CAPN9: variants seen among roughly 807,000 people sequenced by gnomAD.
CAPN9 encodes the protein calpain 9.
In CAPN9, 81 loss-of-function variants were observed where a neutral mutation model predicts 92.8. The ratio of observed to expected loss-of-function variants is 0.87; its 90% CI spans 0.73 to 1.05. The LOEUF (loss-of-function observed/expected upper bound fraction) is 1.05, where lower values mean the gene tolerates loss of function less well. Among genes scored for constraint, CAPN9 ranks in the 50% least tolerant of loss-of-function variants. CAPN9 has a pLI of 0.00. For missense variants in CAPN9, 848 were observed against 866.2 expected (o/e 0.98, Z 0.26); for synonymous variants, 304 against 328.0 (o/e 0.93, Z 0.79).
intron 11 of CAPN9, among the ~76,000 whole-genome samples, chr1:230,785,643 G>T (rs532433032): frequency 6.6e-6 from 1 of 152,286 alleles, no homozygotes; most frequent in South Asian, 2.1e-4. Flanking sequence ...GAAGCAGAAC[G>T]GATGCCAGCA....
At chr1:230,754,562 GA>G (rs1365835296) in intron 1 of CAPN9, among the ~76,000 whole-genome samples, 1 of 149,418 alleles carries the variant, frequency 6.7e-6, no homozygotes, top group Non-Finnish European at 1.5e-5. Context: ...AATACCTTGG[GA>G]ATCCAAGGCG....
At chr1:230,751,462 G>A (rs78491595) in intron 1 of CAPN9, among the ~76,000 whole-genome samples, 9,515 of 149,506 alleles carry the variant, frequency 0.064, 395 homozygotes, top group African/African-American at 0.12. Flanking sequence ...AAGAGAGAGA[G>A]GGAAAGGGAA....
At chr1:230,772,477 G>T (rs1666449239) in intron 7 of CAPN9, among the ~76,000 whole-genome samples, 1 of 152,180 alleles carries the variant, frequency 6.6e-6, no homozygotes. Context: ...TTGTGTGTGT[G>T]TGTGTATTTG....
intron 3 of CAPN9, 147 bp downstream of exon 3, chr1:230,759,777 TA>T (rs28359612): frequency 0.21 from 101,918 of 494,044 alleles, 11,132 homozygotes; most frequent in Non-Finnish European, 0.23. Context: ...AGCCACATTT[TA>T]TCATGGAATA....
chr1:230,766,828 G>T (rs1244147845), intron 4 of CAPN9, among the ~76,000 whole-genome samples: 1 of 152,148 alleles, frequency 6.6e-6, no homozygotes, highest in East Asian at 1.9e-4. Flanking sequence ...ATCTTACATG[G>T]ATGGTGGCAG....
intron 4 of CAPN9, among the ~76,000 whole-genome samples, chr1:230,765,270 T>C (rs1271869545): frequency 7.2e-6 from 1 of 138,042 alleles, no homozygotes; most frequent in Non-Finnish European, 1.6e-5. Flanking sequence ...AATGAGGTTA[T>C]GCCAAAAGGG....
intron 11 of CAPN9, among the ~76,000 whole-genome samples, chr1:230,781,476 C>G (rs2102900450): frequency 6.6e-6 from 1 of 152,308 alleles, no homozygotes; most frequent in East Asian, 1.9e-4. Flanking sequence ...ATCTGCCTCT[C>G]ATTTTACATA....
At chr1:230,770,127 C>T (rs1292875347) in intron 6 of CAPN9, among the ~76,000 whole-genome samples, 1 of 152,130 alleles carries the variant, frequency 6.6e-6, no homozygotes, top group Non-Finnish European at 1.5e-5. Flanking sequence ...AAGGCATTGG[C>T]TCATGCAATT....
chr1:230,785,227 TA>T (rs1667504132), intron 11 of CAPN9, among the ~76,000 whole-genome samples: 1 of 152,240 alleles, frequency 6.6e-6, no homozygotes, highest in Non-Finnish European at 1.5e-5. Flanking sequence ...GGACTTGCCT[TA>T]TCTCAGATGA....
At chr1:230,765,259 A>ACACACACACACACACACAC (rs1665908733) in intron 4 of CAPN9, among the ~76,000 whole-genome samples, 1 of 146,176 alleles carries the variant, frequency 6.8e-6, no homozygotes, top group Non-Finnish European at 1.5e-5. Context: ...ACACACACAC[A>ACACACACACACACACACAC]AATGAGGTTA....
At chr1:230,752,988 C>G (rs1458554374) in intron 1 of CAPN9, among the ~76,000 whole-genome samples, 2 of 152,146 alleles carry the variant, frequency 1.3e-5, no homozygotes, top group African/African-American at 4.8e-5. Flanking sequence ...TTGCATTGTC[C>G]TTCTGGGCTC....
chr1:230,751,667 GAAAGAAAGAAAGAAA>G (rs1664841453), intron 1 of CAPN9, among the ~76,000 whole-genome samples: 1 of 61,732 alleles, frequency 1.6e-5, no homozygotes, highest in Non-Finnish European at 3.3e-5. Flanking sequence ...AAGAAAGAAA[GAAAGAAAGAAAGAAA>G]GAAGGGTGGC....
intron 16 of CAPN9, 106 bp downstream of exon 16, chr1:230,792,600 G>T: frequency 1.1e-6 from 1 of 935,394 alleles, no homozygotes; most frequent in East Asian, 2.4e-5. Context: ...TAGAGGAATT[G>T]TATTCGGACA....
At chr1:230,786,258 G>A (rs1030986809) in intron 12 of CAPN9, 7 of 591,210 alleles carry the variant, frequency 1.2e-5, no homozygotes, top group African/African-American at 6.0e-5. Flanking sequence ...TCTGTTCGAT[G>A]TCATCTTCCT....
chr1:230,793,931 G>A (rs531120483), intron 17 of CAPN9, among the ~76,000 whole-genome samples: 5 of 152,258 alleles, frequency 3.3e-5, no homozygotes, highest in Admixed American at 3.3e-4. Context: ...CTGACGTGGT[G>A]TGGGGAGAAT....
chr1:230,764,365 C>T lies in CAPN9; in HGVS notation c.536+1579C>T, dbSNP rs534543121. Reference sequence around the variant, plus strand: ...TCCCCTGCTCTTGGACATTGGAGCTCCTCGTTCTCAAACCTTTGGACTCAA... The same window carrying T: ...TCCCCTGCTCTTGGACATTGGAGCTTCTCGTTCTCAAACCTTTGGACTCAA... On this transcript the variant is annotated intron_variant, in intron 4 of 19. Coordinates refer to ENST00000271971, the MANE Select transcript of CAPN9 (RefSeq NM_006615.3). Among the ~76,000 whole-genome samples, 16 of 152,348 alleles carry T rather than the reference C, an allele frequency of 1.1e-4. 1 individual carries two copies. Among genetic ancestry groups the T allele is most frequent in the African/African-American group, 3.6e-4 (15 of 41,580 alleles).
In CAPN9 at chr1:230,791,869, G is replaced by C. The variant is rs756415562; in HGVS notation, c.1663G>C (p.Asp555His). The C allele has an allele frequency of 1.9e-6, 3 of 1,612,818 alleles. No homozygotes were observed. Among genetic ancestry groups the C allele is most frequent in the Non-Finnish European group, 1.7e-6 (2 of 1,178,962 alleles). ...GCTTTCATGTGCAATTTCAGAAAAG[G>C]ACATCAAATTCAAGAAGCTAAGCCT... Reference protein sequence around the residue: ...VLNAVLQKKKDIKFKKLSLIS... With the variant: ...VLNAVLQKKKHIKFKKLSLIS... The change falls in exon 15 of 20, where the codon GAC (aspartate) becomes CAC (histidine). Residue 555 changes from aspartate to histidine, a missense_variant. Transcript: ENST00000271971.
At chr1:230,778,473 A>G (rs977501289) in intron 8 of CAPN9, among the ~76,000 whole-genome samples, 2 of 152,098 alleles carry the variant, frequency 1.3e-5, no homozygotes, top group Admixed American at 6.5e-5. Flanking sequence ...AAATCCCTAT[A>G]CCTATTTGAT....
Position 230,786,003 on chromosome 1 carries a change from A to C in CAPN9, c.1504A>C (p.Ile502Leu). 4 of 1,614,108 alleles carry C rather than the reference A, an allele frequency of 2.5e-6. No homozygotes were observed. In the South Asian group the frequency reaches 4.4e-5, roughly 18 times the overall value. ...CAGGGATATGGATGGAAATGTAGACATTGACCTTCCTGAGGTGAGTCTTCT... is the reference window on the plus strand; with the variant it reads ...CAGGGATATGGATGGAAATGTAGACCTTGACCTTCCTGAGGTGAGTCTTCT... Reference protein sequence around the residue: ...ITRDMDGNVDIDLPEPPKPTP... With the variant: ...ITRDMDGNVDLDLPEPPKPTP... The change falls in exon 12 of 20, where the codon ATT (isoleucine) becomes CTT (leucine). Residue 502 changes from isoleucine (I) to leucine (L), a missense_variant. Coordinates refer to ENST00000271971, the MANE Select transcript of CAPN9 (RefSeq NM_006615.3).
Sources: gnomAD v4.1 joint callset for allele counts (sites outside exome capture counted in the v4.1 genomes callset) on GRCh38, gnomAD v4.1.1 for gene constraint, MANE v1.5 for transcripts, NCBI Gene and HGNC (gene_info 2026-07-23, HGNC 2026-07-21) for gene names.